The following SLC2A12 variants were observed in gnomAD, a reference collection of about 807,000 sequenced individuals.
The protein encoded by SLC2A12 is solute carrier family 2 member 12, also known as solute carrier family 2, facilitated glucose transporter member 12.
Under a neutral mutation model 41.8 loss-of-function variants are expected in SLC2A12, and 23 were observed. The ratio of observed to expected loss-of-function variants is 0.55; its 90% confidence interval spans 0.40 to 0.78. SLC2A12 has a LOEUF of 0.78. SLC2A12 is among the 30% of genes least tolerant of loss of function. The pLI is 0.00. For missense variants in SLC2A12, 654 were observed against 745.6 expected (o/e 0.88, Z 1.43); for synonymous variants, 295 against 285.9 (o/e 1.03, Z -0.32).
intron 2 of SLC2A12, among the ~76,000 whole-genome samples, chr6:134,009,633 C>T (rs975983276): frequency 2.0e-5 from 3 of 150,960 alleles, no homozygotes; most frequent in African/African-American, 4.9e-5. Flanking sequence ...CCAGCCTGCA[C>T]AACATAGCGA....
At chr6:134,032,449 AATAT>A (rs1224295083) in intron 1 of SLC2A12, among the ~76,000 whole-genome samples, 1 of 31,976 alleles carries the variant, frequency 3.1e-5, no homozygotes, top group Non-Finnish European at 6.4e-5. Flanking sequence ...TATATATATA[AATAT>A]ATATATATAT....
At position 134,034,644 on chromosome 6, in the gene SLC2A12, A is replaced by G. The variant is rs368822864; in HGVS notation, c.104-4923T>C. 2.6e-5 allele frequency among the ~76,000 whole-genome samples: 4 copies of G among 152,228 alleles called. No individual in the cohort carries two copies. The East Asian group carries it at 5.8e-4, about 22-fold the overall frequency. On this transcript the variant is annotated intron_variant, in intron 1 of 4. Coordinates refer to ENST00000275230, the MANE Select transcript of SLC2A12 (RefSeq NM_145176.3). ...GATACCTTTTTCTAAGAAATCTGGCAGTGAACAGGAAGCAAGAGATCAGAA... is the reference window on the plus strand; with the variant it reads ...GATACCTTTTTCTAAGAAATCTGGCGGTGAACAGGAAGCAAGAGATCAGAA...
At chr6:134,038,164 G>A (rs745738807) in intron 1 of SLC2A12, among the ~76,000 whole-genome samples, 4 of 152,084 alleles carry the variant, frequency 2.6e-5, no homozygotes, top group Middle Eastern at 3.4e-3. Context: ...TTCCAACCCC[G>A]GGTTTGATTT....
intron 4 of SLC2A12, among the ~76,000 whole-genome samples, chr6:133,992,396 AG>A (rs1431401071): frequency 1.3e-5 from 2 of 152,282 alleles, no homozygotes; most frequent in Admixed American, 1.3e-4. Flanking sequence ...GGGGTCCTGG[AG>A]GCTTGGGAAA....
At position 134,029,381 on chromosome 6, in the gene SLC2A12, G is replaced by A. The variant is rs778527594; in HGVS notation, c.444C>T (p.Ser148=). ...IAIGVSISLS[S]IATCVYIAEI... is the part of the protein sequence containing the mutation. The stretch of plus-strand genomic sequence containing the variant: ...CTGCGATGTAAACACAAGTGGCAAT[G>A]GAAGAGAGGGAGATGGAGACCCCTA... Residue 148 remains serine (S), a synonymous_variant, in exon 2 of 5, where the codon TCC becomes TCT. Transcript: ENST00000275230. 10 of 1,614,182 alleles carry A rather than the reference G, an allele frequency of 6.2e-6. No homozygotes were observed. The highest frequency in any genetic ancestry group is 6.8e-6 in the Non-Finnish European group (8 of 1,180,026).
intron 1 of SLC2A12, among the ~76,000 whole-genome samples, chr6:134,041,387 G>A (rs978651863): frequency 7.2e-5 from 11 of 152,230 alleles, no homozygotes; most frequent in Middle Eastern, 3.4e-3. Flanking sequence ...GGGAGGCAAG[G>A]CAGGAGGATT....
intron 3 of SLC2A12, among the ~76,000 whole-genome samples, chr6:134,004,563 T>A (rs887082267): frequency 1.3e-5 from 2 of 152,224 alleles, no homozygotes; most frequent in African/African-American, 4.8e-5. Flanking sequence ...GAAATTAGGT[T>A]ATTTGTTTCA....
chr6:133,997,497 T>C (rs1304294768), intron 4 of SLC2A12, among the ~76,000 whole-genome samples: 1 of 152,184 alleles, frequency 6.6e-6, no homozygotes, highest in African/African-American at 2.4e-5. Context: ...AAATCATTTG[T>C]AGCAATACGG....
intron 2 of SLC2A12, among the ~76,000 whole-genome samples, chr6:134,016,477 G>A (rs986838438): frequency 1.3e-5 from 2 of 152,052 alleles, no homozygotes; most frequent in Admixed American, 1.3e-4. Flanking sequence ...CTGGGCAAGT[G>A]TTGATATTCT....
At chr6:134,002,501 C>T (rs1346665871) in intron 3 of SLC2A12, among the ~76,000 whole-genome samples, 3 of 152,162 alleles carry the variant, frequency 2.0e-5, no homozygotes, top group African/African-American at 7.2e-5. Flanking sequence ...TAAAATCTCT[C>T]TTCTCCCTCT....
chr6:134,050,859 G>A (rs1022992199), intron 1 of SLC2A12, among the ~76,000 whole-genome samples: 9 of 152,018 alleles, frequency 5.9e-5, no homozygotes, highest in African/African-American at 2.2e-4. Context: ...AAGCGCTTAG[G>A]GAAAAGGGTA....
At chr6:134,003,736 G>C (rs1428951969) in intron 3 of SLC2A12, among the ~76,000 whole-genome samples, 1 of 152,080 alleles carries the variant, frequency 6.6e-6, no homozygotes, top group Non-Finnish European at 1.5e-5. Flanking sequence ...CTCCTTCAGC[G>C]AACACACTGC....
rs229907 is a variant in SLC2A12 at position 133,997,450 on chromosome 6, T to C, written c.1700+4547A>G. Reference sequence around the variant, plus strand: ...TTGGATAAAGAAAATGTGGTATATATACACCATGGAATACTACACAGCCGT... The same window carrying C: ...TTGGATAAAGAAAATGTGGTATATACACACCATGGAATACTACACAGCCGT... On this transcript the variant is annotated intron_variant, in intron 4 of 4. Coordinates refer to ENST00000275230, the MANE Select transcript of SLC2A12 (RefSeq NM_145176.3). Among the ~76,000 whole-genome samples, 565 of 152,284 alleles carry C rather than the reference T, an allele frequency of 3.7e-3. 3 individuals are homozygous for C. The highest frequency in any genetic ancestry group is 0.012 in the Admixed American group (184 of 15,296).
At chr6:134,022,553 G>GAAA (rs1273968534) in intron 2 of SLC2A12, among the ~76,000 whole-genome samples, 17 of 52,130 alleles carry the variant, frequency 3.3e-4, no homozygotes, top group Admixed American at 1.5e-3. Context: ...GAAAAGAAAA[G>GAAA]AAAAGAAAAG....
chr6:134,024,062 C>G (rs552829707), intron 2 of SLC2A12, among the ~76,000 whole-genome samples: 5 of 152,316 alleles, frequency 3.3e-5, no homozygotes, highest in African/African-American at 9.6e-5. Context: ...GCTCGTGCAC[C>G]CTGCTGCCGA....
intron 1 of SLC2A12, among the ~76,000 whole-genome samples, chr6:134,051,118 T>G (rs1035507623): frequency 6.6e-6 from 1 of 152,068 alleles, no homozygotes; most frequent in African/African-American, 2.4e-5. Context: ...AGAGATAGGG[T>G]TTCCGCTCTG....
chr6:134,025,710 T>A (rs1022277130), intron 2 of SLC2A12, among the ~76,000 whole-genome samples: 8 of 152,144 alleles, frequency 5.3e-5, no homozygotes, highest in African/African-American at 1.9e-4. Context: ...AATGCCTAGC[T>A]GTTTTTTGTA....
intron 1 of SLC2A12, among the ~76,000 whole-genome samples, chr6:134,044,917 A>G (rs1312277362): frequency 6.6e-6 from 1 of 152,180 alleles, no homozygotes; most frequent in Non-Finnish European, 1.5e-5. Context: ...TCTGGCAGGC[A>G]AGTTTCATTG....
rs1349107675 is a variant in SLC2A12, at chr6:134,029,861, C to T, written c.104-140G>A. On this transcript the variant is annotated intron_variant, in intron 1 of 4. Transcript: ENST00000275230. ...AACACACAATTATGATAAAATAATA[C>T]ACTAACCAAAAAATGATTTGATATA... is the stretch of plus-strand genomic sequence containing the variant. 6 of 1,093,592 alleles carry T rather than the reference C, an allele frequency of 5.5e-6. No individual in the cohort carries two copies. The East Asian group carries it at 1.3e-4, about 24-fold the overall frequency. The allele number at this position is 1,093,592 out of a possible 1,614,324, so 67.7% of individuals were successfully genotyped here. A position where few individuals can be genotyped will look rare whatever the true frequency, so the allele number is the denominator to read the frequency against.
Sources: allele counts gnomAD v4.1 joint callset (sites outside exome capture counted in the v4.1 genomes callset), GRCh38; gene constraint gnomAD v4.1.1; transcripts MANE v1.5; gene names NCBI Gene and HGNC (gene_info 2026-07-23, HGNC 2026-07-21).